The following SORCS1 variants were observed in gnomAD, a reference collection of about 807,000 sequenced individuals.
SORCS1 encodes the protein VPS10 domain-containing receptor SorCS1.
Under a neutral mutation model 146.1 loss-of-function variants are expected in SORCS1, and 60 were observed. The ratio of observed to expected loss-of-function variants is 0.41; its 90% CI spans 0.33 to 0.51. The LOEUF is 0.51. Ranked by LOEUF, SORCS1 falls within the 20% of genes least tolerant of loss-of-function variation. SORCS1 has a pLI of 0.21. For missense variants in SORCS1, 1,352 were observed against 1,487.6 expected (o/e 0.91, Z 1.50); for synonymous variants, 637 against 584.0 (o/e 1.09, Z -1.31).
At chr10:106,689,021 C>A (rs1188959658) in intron 9 of SORCS1, among the ~76,000 whole-genome samples, 1 of 152,222 alleles carries the variant, frequency 6.6e-6, no homozygotes, top group Non-Finnish European at 1.5e-5. Flanking sequence ...CACCAGAATA[C>A]ACGGAACATA....
Position 106,930,404 on chromosome 10 carries a change from A to C in SORCS1, c.626+26109T>G, listed in dbSNP as rs1953356059. Reference sequence around the variant, plus strand: ...CTTATGCTTAGGGTAAACAGTCATCAGCTACCCTGCAAAATAAGTGGCAGG... The same window carrying C: ...CTTATGCTTAGGGTAAACAGTCATCCGCTACCCTGCAAAATAAGTGGCAGG... On this transcript the variant is annotated intron_variant, in intron 2 of 25. Coordinates refer to ENST00000263054, the MANE Select transcript of SORCS1 (RefSeq NM_052918.5). Among the ~76,000 whole-genome samples, 3 of 152,372 alleles carry C rather than the reference A, an allele frequency of 2.0e-5. No individual in the cohort carries two copies. In the South Asian group the frequency reaches 6.2e-4, roughly 32 times the overall value.
chr10:107,065,415 T>TTTCC (rs1554937382), intron 1 of SORCS1, among the ~76,000 whole-genome samples: 1 of 120,392 alleles, frequency 8.3e-6, no homozygotes, highest in African/African-American at 4.5e-5. Flanking sequence ...TCTCTCTTTC[T>TTTCC]TTTCTTTCTT....
At position 106,800,159 on chromosome 10, in the gene SORCS1, C is replaced by T. The variant is rs1476162956; in HGVS notation, c.727-23467G>A. On this transcript the variant is annotated intron_variant, in intron 3 of 25. Coordinates refer to ENST00000263054, the MANE Select transcript of SORCS1 (RefSeq NM_052918.5). ...ATATGTTGTCTCATTTGTAATTGAC[C>T]TATAGAGGGTGATACCTTCTAACAC... 3.3e-5 allele frequency among the ~76,000 whole-genome samples: 5 copies of T among 152,130 alleles called. No individual in the cohort carries two copies. The East Asian group carries it at 9.7e-4, about 29-fold the overall frequency.
chr10:106,668,396 TG>T (rs1436676162), intron 16 of SORCS1, among the ~76,000 whole-genome samples: 1 of 152,216 alleles, frequency 6.6e-6, no homozygotes, highest in Non-Finnish European at 1.5e-5. Flanking sequence ...CGCTGCCACT[TG>T]GGACTAACTG....
At chr10:106,852,909 G>T (rs1315161568) in intron 2 of SORCS1, among the ~76,000 whole-genome samples, 1 of 152,152 alleles carries the variant, frequency 6.6e-6, no homozygotes, top group Non-Finnish European at 1.5e-5. Context: ...GTTCATGAGA[G>T]ATAATTGTCT....
intron 1 of SORCS1, among the ~76,000 whole-genome samples, chr10:107,107,987 A>C (rs183985355): frequency 2.9e-4 from 44 of 152,186 alleles, no homozygotes; most frequent in Non-Finnish European, 4.9e-4. Flanking sequence ...GACAGAGAGG[A>C]GGCCTTCTCA....
intron 2 of SORCS1, among the ~76,000 whole-genome samples, chr10:106,897,098 G>A (rs953058606): frequency 7.2e-5 from 11 of 151,798 alleles, no homozygotes; most frequent in Non-Finnish European, 2.9e-5. Flanking sequence ...TTTCACTGTG[G>A]TCTTGATCTC....
chr10:107,161,595 C>T (rs1252434669), intron 1 of SORCS1, among the ~76,000 whole-genome samples: 1 of 152,058 alleles, frequency 6.6e-6, no homozygotes, highest in Non-Finnish European at 1.5e-5. Flanking sequence ...TGAAAAAATC[C>T]ACATTCAGCG....
At chr10:107,178,025 G>A in the SORCS1 span, among the ~76,000 whole-genome samples, 1 of 152,126 alleles carries the variant, frequency 6.6e-6, no homozygotes, top group Non-Finnish European at 1.5e-5. Flanking sequence ...GGAGGAAGGA[G>A]AGCATGAAGA....
chr10:106,676,025 G>A (rs1024103978), intron 13 of SORCS1, among the ~76,000 whole-genome samples: 3 of 152,140 alleles, frequency 2.0e-5, no homozygotes. Context: ...CCAGTTTATG[G>A]TATTTTGTTA....
At chr10:106,667,886 C>A (rs12415278) in intron 16 of SORCS1, 84 bp from the exon 17 acceptor site, 1 of 824,236 alleles carries the variant, frequency 1.2e-6, no homozygotes, top group Non-Finnish European at 2.0e-6. Context: ...AGCCAAGTTC[C>A]ACACTAATCA....
At chr10:106,867,294 T>TC (rs1286018124) in intron 2 of SORCS1, among the ~76,000 whole-genome samples, 1 of 151,452 alleles carries the variant, frequency 6.6e-6, no homozygotes, top group African/African-American at 2.4e-5. Flanking sequence ...TAAATTTTTT[T>TC]TTTTTTTTGA....
intron 1 of SORCS1, among the ~76,000 whole-genome samples, chr10:107,017,773 A>G (rs1313712128): frequency 6.6e-6 from 1 of 152,196 alleles, no homozygotes; most frequent in Non-Finnish European, 1.5e-5. Context: ...CTCCTGCCTC[A>G]GCCTCCTGAG....
chr10:106,590,856 T>C (rs1845561394), intron 24 of SORCS1, among the ~76,000 whole-genome samples: 1 of 152,132 alleles, frequency 6.6e-6, no homozygotes, highest in Non-Finnish European at 1.5e-5. Flanking sequence ...GATTTCACCG[T>C]GTTGGTCAGG....
chr10:107,047,813 G>A (rs1590016093), intron 1 of SORCS1, among the ~76,000 whole-genome samples: 1 of 152,074 alleles, frequency 6.6e-6, no homozygotes, highest in African/African-American at 2.4e-5. Flanking sequence ...GGGTGCGTTG[G>A]CTCACACCTA....
chr10:106,667,151 T>C (rs1469854817), intron 17 of SORCS1: 1 of 152,712 alleles, frequency 6.5e-6, no homozygotes, highest in Non-Finnish European at 1.5e-5. Flanking sequence ...GAATATTAAA[T>C]ACCAAATTTC....
chr10:107,112,622 G>A (rs1166486503), intron 1 of SORCS1, among the ~76,000 whole-genome samples: 2 of 152,014 alleles, frequency 1.3e-5, no homozygotes, highest in Non-Finnish European at 2.9e-5. Flanking sequence ...TCAACAATAT[G>A]CTACCTAAAA....
At chr10:106,747,502 G>A (rs989467214) in intron 5 of SORCS1, among the ~76,000 whole-genome samples, 2 of 152,144 alleles carry the variant, frequency 1.3e-5, no homozygotes, top group African/African-American at 4.8e-5. Flanking sequence ...AGATTCACTA[G>A]TCTTACAGTT....
intron 1 of SORCS1, among the ~76,000 whole-genome samples, chr10:107,000,856 T>C (rs1477113873): frequency 6.6e-6 from 1 of 152,052 alleles, no homozygotes; most frequent in African/African-American, 2.4e-5. Flanking sequence ...AATGCCAGTT[T>C]AGGGAAGGGT....
Sources: allele counts gnomAD v4.1 joint callset (sites outside exome capture counted in the v4.1 genomes callset), GRCh38; gene constraint gnomAD v4.1.1; transcripts MANE v1.5; gene names NCBI Gene and HGNC (gene_info 2026-07-23, HGNC 2026-07-21).